CYP7B1: variants seen among roughly 807,000 people sequenced by gnomAD.
CYP7B1 encodes cytochrome P450 family 7 subfamily B member 1.
A neutral mutation model predicts 42.7 loss-of-function variants in CYP7B1; 29 were observed. The ratio of observed to expected loss-of-function variants is 0.68; its 90% CI spans 0.51 to 0.93. The LOEUF (loss-of-function observed/expected upper bound fraction) is 0.93, where lower values mean the gene tolerates loss of function less well. Ranked by LOEUF, CYP7B1 falls within the 40% of genes least tolerant of loss-of-function variation. CYP7B1 has a pLI of 0.00. For synonymous variants in CYP7B1, 235 were observed against 218.2 expected, an observed-to-expected ratio of 1.08 and a Z score of -0.68; for missense variants, 655 against 600.5, an observed-to-expected ratio of 1.09 and a Z score of -0.95.
At chr8:64,665,860 G>C (rs1442565629) in intron 1 of CYP7B1, among the ~76,000 whole-genome samples, 10 of 152,084 alleles carry the variant, frequency 6.6e-5, no homozygotes, top group Admixed American at 3.3e-4. Context: ...ACAGGCGTGA[G>C]CCACCACGCC....
At chr8:64,758,513 T>G (rs1000021128) in intron 1 of CYP7B1, among the ~76,000 whole-genome samples, 1 of 152,042 alleles carries the variant, frequency 6.6e-6, no homozygotes, top group Non-Finnish European at 1.5e-5. Flanking sequence ...TTTCACATTG[T>G]TATTAAGAAT....
At position 64,722,747 on chromosome 8, in the gene CYP7B1, G is replaced by GA. The variant is rs1200590459; in HGVS notation, c.122+75718_122+75719insT. ...GAGTAGAATGATTTTTTGCGGCGGG[G>GA]GGGGGGGGGCGGGAGGTTTTTTTTT... On this transcript the variant is annotated intron_variant, in intron 1 of 5. Coordinates refer to ENST00000310193, the MANE Select transcript of CYP7B1 (RefSeq NM_004820.5). 2.8e-5 allele frequency among the ~76,000 whole-genome samples: 3 copies of GA among 107,960 alleles called. 1 individual carries two copies. The highest frequency in any genetic ancestry group is 5.6e-5 in the Non-Finnish European group (3 of 53,110). 70.8% of individuals were successfully genotyped at this position (107,960 alleles called of 152,430 possible). A position where few individuals can be genotyped will look rare whatever the true frequency, so the allele number is the denominator to read the frequency against.
intron 1 of CYP7B1, among the ~76,000 whole-genome samples, chr8:64,640,618 A>T (rs1805838345): frequency 6.6e-6 from 1 of 152,150 alleles, no homozygotes; most frequent in Admixed American, 6.6e-5. Flanking sequence ...CCTGAAACTA[A>T]AAGAGATTTG....
intron 1 of CYP7B1, among the ~76,000 whole-genome samples, chr8:64,736,657 GT>G (rs1807492366): frequency 6.6e-6 from 1 of 151,810 alleles, no homozygotes. Flanking sequence ...CACCATGTTG[GT>G]CAGGCTGGTC....
intron 1 of CYP7B1, among the ~76,000 whole-genome samples, chr8:64,659,834 C>A (rs999875887): frequency 3.3e-5 from 5 of 152,020 alleles, no homozygotes; most frequent in Non-Finnish European, 7.4e-5. Flanking sequence ...ATCCAATAGG[C>A]AACAAAAAAT....
chr8:64,769,720 A>C (rs534914728), intron 1 of CYP7B1, among the ~76,000 whole-genome samples: 1 of 152,268 alleles, frequency 6.6e-6, no homozygotes, highest in East Asian at 1.9e-4. Context: ...TTGTTCTTCC[A>C]AGGCAAATTG....
chr8:64,720,350 C>A (rs747370727), intron 1 of CYP7B1, among the ~76,000 whole-genome samples: 10 of 151,986 alleles, frequency 6.6e-5, no homozygotes, highest in Non-Finnish European at 8.8e-5. Context: ...AGAAACAACA[C>A]AATAAAATGA....
At chr8:64,679,140 C>T (rs1026383174) in intron 1 of CYP7B1, among the ~76,000 whole-genome samples, 2 of 152,126 alleles carry the variant, frequency 1.3e-5, no homozygotes, top group Non-Finnish European at 2.9e-5. Flanking sequence ...GGTCAGACAG[C>T]ATGCTAGCTT....
chr8:64,777,285 C>A (rs868403769), intron 1 of CYP7B1, among the ~76,000 whole-genome samples: 4 of 151,582 alleles, frequency 2.6e-5, no homozygotes, highest in Non-Finnish European at 4.4e-5. Flanking sequence ...AACATGAGCA[C>A]TATTTACAGA....
intron 5 of CYP7B1, among the ~76,000 whole-genome samples, chr8:64,598,094 T>C (rs1585796743): frequency 1.3e-5 from 2 of 152,238 alleles, no homozygotes; most frequent in East Asian, 3.8e-4. Flanking sequence ...CTTATTTTGA[T>C]AAGTATTTGA....
Position 64,798,720 on chromosome 8 carries a change from A to G in CYP7B1, c.-133T>C. ...GGGCCGGAGAGGCTGGCCTGCCCGC[A>G]GCGCAGACAGGAATGTCACCGTGGT... On this transcript the variant is annotated 5_prime_UTR_variant, in exon 1 of 6. Coordinates refer to ENST00000310193, the MANE Select transcript of CYP7B1 (RefSeq NM_004820.5). The G allele has an allele frequency of 1.0e-6, 1 of 994,162 alleles. No homozygotes were observed. Among genetic ancestry groups the G allele is most frequent in the Non-Finnish European group, 1.4e-6 (1 of 732,628 alleles). 61.6% of individuals were successfully genotyped at this position (994,162 alleles called of 1,614,324 possible).
chr8:64,726,598 C>A (rs1807328806), intron 1 of CYP7B1, among the ~76,000 whole-genome samples: 1 of 152,190 alleles, frequency 6.6e-6, no homozygotes, highest in African/African-American at 2.4e-5. Flanking sequence ...TGAACAGTAG[C>A]TGCCTGATTT....
chr8:64,608,608 G>C (rs1450242477), intron 4 of CYP7B1, among the ~76,000 whole-genome samples: 2 of 151,864 alleles, frequency 1.3e-5, no homozygotes. Flanking sequence ...GGTTATAAAA[G>C]GGGGAGAGGG....
Position 64,698,486 on chromosome 8 carries a change from CTGAG to C in CYP7B1, c.123-73951_123-73948del, listed in dbSNP as rs949160601. Among the ~76,000 whole-genome samples, 109 of 152,136 alleles carry C rather than the reference CTGAG, an allele frequency of 7.2e-4. 1 individual carries two copies. Among genetic ancestry groups the C allele is most frequent in the Non-Finnish European group, 8.2e-4 (56 of 68,024 alleles). The stretch of plus-strand genomic sequence containing the variant: ...AGGTATCACATCAAAAGGGAGTTAG[CTGAG>C]TGAGTAAGAACATCTTCAGGCTGTG... On this transcript the variant is annotated intron_variant, in intron 1 of 5. Transcript: ENST00000310193.
At chr8:64,604,600 G>C in intron 5 of CYP7B1, 82 bp downstream of exon 5, 1 of 1,539,138 alleles carries the variant, frequency 6.5e-7, no homozygotes, top group Non-Finnish European at 8.9e-7. Flanking sequence ...GACCAAAGTG[G>C]CAAGAGGAAG....
intron 1 of CYP7B1, among the ~76,000 whole-genome samples, chr8:64,769,984 T>A (rs1387435604): frequency 1.3e-5 from 2 of 152,200 alleles, no homozygotes; most frequent in Admixed American, 1.3e-4. Context: ...GTTCTTACCA[T>A]CCTTCTTTAT....
At chr8:64,598,088 T>C (rs1261318497) in intron 5 of CYP7B1, among the ~76,000 whole-genome samples, 1 of 152,234 alleles carries the variant, frequency 6.6e-6, no homozygotes, top group Non-Finnish European at 1.5e-5. Flanking sequence ...AGAATACTTA[T>C]TTTGATAAGT....
intron 1 of CYP7B1, among the ~76,000 whole-genome samples, chr8:64,735,061 T>C (rs1173262255): frequency 6.6e-6 from 1 of 152,196 alleles, no homozygotes. Flanking sequence ...CATGGACCAG[T>C]ACTGGGTCTA....
intron 1 of CYP7B1, among the ~76,000 whole-genome samples, chr8:64,647,130 G>A (rs113418660): frequency 0.016 from 2,480 of 152,240 alleles, 38 homozygotes; most frequent in Middle Eastern, 0.034. Context: ...AGGGAATGGG[G>A]AGGCCTGAGG....
Sources: allele counts gnomAD v4.1 joint callset (sites outside exome capture counted in the v4.1 genomes callset), GRCh38; gene constraint gnomAD v4.1.1; transcripts MANE v1.5; gene names NCBI Gene and HGNC (gene_info 2026-07-23, HGNC 2026-07-21).